Variants in NUB1 observed in about 807,000 individuals in gnomAD.
The protein encoded by NUB1 is negative regulator of ubiquitin like proteins 1, also known as NEDD8 ultimate buster 1.
NUB1 carries 41 observed loss-of-function variants against 77.1 expected under a neutral mutation model. That is an observed-to-expected ratio of 0.53 (90% CI 0.41 to 0.69). The LOEUF (loss-of-function observed/expected upper bound fraction) is 0.69. Ranked by LOEUF, NUB1 falls within the 30% of genes least tolerant of loss-of-function variation. The pLI, the probability that NUB1 is intolerant of heterozygous loss-of-function variation, is 0.00. For synonymous variants in NUB1, 257 were observed against 281.0 expected (o/e 0.91, Z 0.85); for missense variants, 643 against 743.8 (o/e 0.86, Z 1.58).
At chr7:151,366,328 G>A (rs1797679907) in intron 8 of NUB1, among the ~76,000 whole-genome samples, 1 of 152,174 alleles carries the variant, frequency 6.6e-6, no homozygotes, top group Admixed American at 6.6e-5. Context: ...GATTGAACAT[G>A]AATGCCTTGT....
rs540132216 is a variant in NUB1, at chr7:151,343,515, C to T, written c.-3+1669C>T. ...CTCATATTTTTTCCACTCTCTAGAA[C>T]TTGTCTTCATCATTCAGGGGCTAAT... On this transcript the variant is annotated intron_variant, in intron 1 of 14. Transcript: ENST00000568733. 7.2e-5 allele frequency among the ~76,000 whole-genome samples: 11 copies of T among 152,236 alleles called. No individual in the cohort carries two copies. In the East Asian group the frequency reaches 1.9e-3, roughly 27 times the overall value.
chr7:151,343,957 G>A (rs1796333690), intron 1 of NUB1, among the ~76,000 whole-genome samples: 1 of 151,790 alleles, frequency 6.6e-6, no homozygotes, highest in South Asian at 2.1e-4. Context: ...CGAGGCGGGC[G>A]GATCACAAGG....
intron 1 of NUB1, 38 bp downstream of exon 1, chr7:151,341,884 T>G: frequency 6.8e-7 from 1 of 1,467,754 alleles, no homozygotes; most frequent in East Asian, 2.9e-5. Context: ...GACCCCAGCC[T>G]CAGCAGCACT....
intron 8 of NUB1, 113 bp downstream of exon 8, chr7:151,360,360 TGTAAAAGA>T: frequency 1.8e-6 from 1 of 570,378 alleles, no homozygotes; most frequent in Non-Finnish European, 3.2e-6. Context: ...CAGTGGTTAA[TGTAAAAGA>T]GTAGTTATGG....
At chr7:151,358,629 C>T (rs1470104369) in intron 7 of NUB1, among the ~76,000 whole-genome samples, 1 of 152,212 alleles carries the variant, frequency 6.6e-6, no homozygotes, top group Non-Finnish European at 1.5e-5. Flanking sequence ...CTGCCTTCCT[C>T]CTTGTCCATG....
intron 8 of NUB1, among the ~76,000 whole-genome samples, chr7:151,361,499 TG>T (rs1440113682): frequency 6.6e-6 from 1 of 152,258 alleles, no homozygotes; most frequent in African/African-American, 2.4e-5. Flanking sequence ...CAAGGAGTCC[TG>T]GTTCCTCTTC....
chr7:151,368,974 T>C (rs901462706), intron 11 of NUB1, 87 bp downstream of exon 11: 2 of 1,327,850 alleles, frequency 1.5e-6, no homozygotes, highest in Admixed American at 3.1e-5. Flanking sequence ...CCAGGAACTC[T>C]TTATTACTCC....
At chr7:151,344,932 G>T (rs554666060) in intron 1 of NUB1, among the ~76,000 whole-genome samples, 1 of 152,106 alleles carries the variant, frequency 6.6e-6, no homozygotes, top group East Asian at 1.9e-4. Flanking sequence ...CCCAGGGGGC[G>T]GAGCTTGCAG....
chr7:151,358,158 A>G (rs2150683501), intron 7 of NUB1, among the ~76,000 whole-genome samples: 1 of 151,646 alleles, frequency 6.6e-6, no homozygotes, highest in South Asian at 2.1e-4. Flanking sequence ...TATTTTTAGT[A>G]GAGACGGGGT....
In NUB1 at chr7:151,376,287, C is replaced by T. The variant is rs1486566862; in HGVS notation, c.1491+344C>T. On this transcript the variant is annotated intron_variant, in intron 13 of 14. Coordinates refer to ENST00000568733, the MANE Select transcript of NUB1 (RefSeq NM_001243351.2). ...CCATCCAGCTTTGTATCCCAAGTGA[C>T]GGCTCTGTCCACATTTGTGCCCCTA... 2.6e-5 allele frequency: 12 copies of T among 466,808 alleles called. No homozygotes were observed. In the Middle Eastern group the frequency reaches 1.8e-3, roughly 68 times the overall value. The allele number at this position is 466,808 out of a possible 1,614,324, so 28.9% of individuals were successfully genotyped here.
At chr7:151,376,086 C>A in intron 13 of NUB1, 143 bp downstream of exon 13, 1 of 651,374 alleles carries the variant, frequency 1.5e-6, no homozygotes, top group Admixed American at 2.2e-5. Context: ...CTGCCCACCT[C>A]AGAGGCCACC....
chr7:151,356,226 A>C lies in NUB1; in HGVS notation c.693+4A>C. The C allele has an allele frequency of 1.3e-6, 2 of 1,597,964 alleles. No homozygotes were observed. The highest frequency in any genetic ancestry group is 1.7e-6 in the Non-Finnish European group (2 of 1,165,482). ...AATTCCCCCATCAGAAAGAAAAGTAAGTACTATGAGAAATGTGTGGCCTGT... is the reference window on the plus strand; with the variant it reads ...AATTCCCCCATCAGAAAGAAAAGTACGTACTATGAGAAATGTGTGGCCTGT... On this transcript the variant is annotated splice_donor_region_variant and intron_variant, in intron 7 of 14. Transcript: ENST00000568733.
At chr7:151,342,349 A>G (rs79729826) in intron 1 of NUB1, among the ~76,000 whole-genome samples, 14,547 of 152,238 alleles carry the variant, frequency 0.096, 935 homozygotes, top group Admixed American at 0.2. Context: ...TCCTAAGAAA[A>G]AATGAATGTG....
At chr7:151,373,908 A>C (rs1798079482) in intron 11 of NUB1, among the ~76,000 whole-genome samples, 189 bp from the exon 12 acceptor site, 1 of 151,966 alleles carries the variant, frequency 6.6e-6, no homozygotes, top group Non-Finnish European at 1.5e-5. Flanking sequence ...CAGCACTTCC[A>C]CCACCCCTCT....
intron 11 of NUB1, among the ~76,000 whole-genome samples, chr7:151,372,043 T>A (rs76462484): frequency 0.019 from 2,840 of 152,302 alleles, 40 homozygotes; most frequent in Non-Finnish European, 0.029. Context: ...ATATTTTTTG[T>A]GCAATATGGC....
chr7:151,370,737 C>A (rs891728825), intron 11 of NUB1, among the ~76,000 whole-genome samples: 11 of 139,650 alleles, frequency 7.9e-5, no homozygotes, highest in Non-Finnish European at 1.5e-4. Flanking sequence ...TGTCCCCCTT[C>A]CTGTGTCCAC....
chr7:151,374,305 C>A, intron 12 of NUB1, 62 bp downstream of exon 12: 1 of 1,517,678 alleles, frequency 6.6e-7, no homozygotes, highest in Non-Finnish European at 8.9e-7. Context: ...CCAGAGCTCC[C>A]TCCATGGCTC....
At chr7:151,362,428 T>A (rs1797422625) in intron 8 of NUB1, among the ~76,000 whole-genome samples, 1 of 152,226 alleles carries the variant, frequency 6.6e-6, no homozygotes, top group South Asian at 2.1e-4. Flanking sequence ...CTTTTCCCCC[T>A]TACTTCTCCA....
chr7:151,346,629 C>T (rs1432973282), intron 2 of NUB1, among the ~76,000 whole-genome samples: 1 of 152,206 alleles, frequency 6.6e-6, no homozygotes, highest in Non-Finnish European at 1.5e-5. Flanking sequence ...AGATTTTGGA[C>T]AGCTTCCAAA....
Sources: allele counts gnomAD v4.1 joint callset (sites outside exome capture counted in the v4.1 genomes callset), GRCh38; gene constraint gnomAD v4.1.1; transcripts MANE v1.5; gene names NCBI Gene and HGNC (gene_info 2026-07-23, HGNC 2026-07-21).